CCSER1: variants seen among roughly 807,000 people sequenced by gnomAD.
The protein encoded by CCSER1 is coiled-coil serine rich protein 1.
CCSER1 carries 41 observed loss-of-function variants against 82.0 expected under a neutral mutation model. That is an observed-to-expected ratio of 0.50 (90% CI 0.39 to 0.65). The LOEUF (loss-of-function observed/expected upper bound fraction) is 0.65. CCSER1 is among the 30% of genes least tolerant of loss of function. The pLI is 0.00. For missense variants in CCSER1, 1,119 were observed against 1,064.2 expected (o/e 1.05, Z -0.72); for synonymous variants, 414 against 383.9 (o/e 1.08, Z -0.92).
intron 9 of CCSER1, among the ~76,000 whole-genome samples, chr4:91,054,591 T>C (rs1295491225): frequency 6.6e-6 from 1 of 152,130 alleles, no homozygotes; most frequent in Non-Finnish European, 1.5e-5. Flanking sequence ...TTTCAACCTA[T>C]TTCAACCTAT....
chr4:90,387,080 A>G (rs564776075), intron 3 of CCSER1, among the ~76,000 whole-genome samples: 186 of 152,328 alleles, frequency 1.2e-3, no homozygotes, highest in African/African-American at 4.3e-3. Context: ...TTTTATTACC[A>G]GAATTATGAG....
At chr4:90,525,759 C>T (rs1773683391) in intron 5 of CCSER1, among the ~76,000 whole-genome samples, 2 of 152,078 alleles carry the variant, frequency 1.3e-5, no homozygotes, top group East Asian at 3.9e-4. Flanking sequence ...CTACCTCAGC[C>T]TCCCCAGTAG....
chr4:91,487,215 G>A (rs886126081), intron 10 of CCSER1, among the ~76,000 whole-genome samples: 5 of 152,000 alleles, frequency 3.3e-5, no homozygotes, highest in African/African-American at 4.8e-5. Context: ...AATTAGAGTC[G>A]AAATTTAAGT....
intron 10 of CCSER1, among the ~76,000 whole-genome samples, chr4:91,263,855 T>A (rs1741372279): frequency 6.6e-6 from 1 of 151,960 alleles, no homozygotes; most frequent in Non-Finnish European, 1.5e-5. Flanking sequence ...TGTAAGCTAC[T>A]TTTTTGCTTT....
chr4:90,338,831 CT>C (rs531258928), intron 3 of CCSER1, among the ~76,000 whole-genome samples: 354 of 152,218 alleles, frequency 2.3e-3, no homozygotes, highest in African/African-American at 8.3e-3. Context: ...AGGTACATAG[CT>C]TTTTATTGTA....
At chr4:90,973,699 A>G (rs919523930) in intron 9 of CCSER1, among the ~76,000 whole-genome samples, 2 of 151,730 alleles carry the variant, frequency 1.3e-5, no homozygotes, top group African/African-American at 4.8e-5. Flanking sequence ...TCAAAGAGAT[A>G]TCTGCATTTC....
At chr4:90,319,884 G>A (rs1350570514) in intron 3 of CCSER1, among the ~76,000 whole-genome samples, 1 of 152,156 alleles carries the variant, frequency 6.6e-6, no homozygotes, top group Non-Finnish European at 1.5e-5. Flanking sequence ...GGAGCCATAT[G>A]AATCATTCTC....
chr4:90,183,307 T>A (rs1402727485), intron 1 of CCSER1, among the ~76,000 whole-genome samples: 1 of 152,084 alleles, frequency 6.6e-6, no homozygotes, highest in Non-Finnish European at 1.5e-5. Context: ...GTATCCGGTT[T>A]TAACCATCTT....
chr4:90,555,944 C>T (rs557195234), intron 5 of CCSER1, among the ~76,000 whole-genome samples: 23 of 152,118 alleles, frequency 1.5e-4, no homozygotes, highest in African/African-American at 5.5e-4. Flanking sequence ...AAATTTATTT[C>T]CTAATATTTT....
chr4:91,445,646 A>T (rs199538358), intron 10 of CCSER1, among the ~76,000 whole-genome samples: 5 of 151,958 alleles, frequency 3.3e-5, no homozygotes, highest in African/African-American at 4.8e-5. Context: ...ATTTGTTTTT[A>T]TCTCTCTATT....
intron 9 of CCSER1, among the ~76,000 whole-genome samples, chr4:90,974,258 G>A (rs62309786): frequency 0.27 from 41,344 of 150,814 alleles, 6,873 homozygotes; most frequent in East Asian, 0.39. Context: ...TATGTTAATT[G>A]TCTTGATTGT....
intron 10 of CCSER1, among the ~76,000 whole-genome samples, chr4:91,500,981 T>C (rs950013527): frequency 1.3e-5 from 2 of 151,932 alleles, no homozygotes; most frequent in Non-Finnish European, 2.9e-5. Flanking sequence ...ATACCTTTTA[T>C]GTTTTTTCTA....
At chr4:91,547,294 C>T (rs910906727) in intron 10 of CCSER1, among the ~76,000 whole-genome samples, 34 of 152,036 alleles carry the variant, frequency 2.2e-4, no homozygotes, top group Admixed American at 1.6e-3. Context: ...TTCTGTTAGA[C>T]GGATGTTACA....
intron 10 of CCSER1, among the ~76,000 whole-genome samples, chr4:91,569,590 G>A (rs1763066941): frequency 6.6e-6 from 1 of 152,156 alleles, no homozygotes; most frequent in Non-Finnish European, 1.5e-5. Flanking sequence ...GAGAGAATGA[G>A]TGCCAGCAGG....
chr4:91,548,763 C>T (rs1222946440), intron 10 of CCSER1, among the ~76,000 whole-genome samples: 4 of 151,920 alleles, frequency 2.6e-5, no homozygotes, highest in Admixed American at 2.0e-4. Context: ...AGTGTCTCCC[C>T]CACACCATCC....
intron 10 of CCSER1, among the ~76,000 whole-genome samples, chr4:91,507,994 A>C (rs1040073698): frequency 2.1e-5 from 2 of 94,268 alleles, no homozygotes; most frequent in African/African-American, 7.9e-5. Context: ...AGGATTTTCT[A>C]TATATATATA....
intron 9 of CCSER1, among the ~76,000 whole-genome samples, chr4:90,979,684 G>C (rs1370025227): frequency 6.6e-6 from 1 of 151,708 alleles, no homozygotes; most frequent in East Asian, 1.9e-4. Context: ...TGTCACTTCT[G>C]ATAGATTTAA....
At chr4:90,884,705 T>C (rs1044149853) in intron 8 of CCSER1, among the ~76,000 whole-genome samples, 5 of 152,154 alleles carry the variant, frequency 3.3e-5, no homozygotes, top group Admixed American at 2.0e-4. Context: ...GATAATTTTA[T>C]TAAAGAGTAC....
intron 9 of CCSER1, among the ~76,000 whole-genome samples, chr4:91,036,447 A>T: frequency 6.6e-6 from 1 of 152,096 alleles, no homozygotes. Flanking sequence ...CCAAAGTAGA[A>T]CTCCAGACTC....
Sources: allele counts gnomAD v4.1 joint callset (sites outside exome capture counted in the v4.1 genomes callset), GRCh38; gene constraint gnomAD v4.1.1; transcripts MANE v1.5; gene names NCBI Gene and HGNC (gene_info 2026-07-23, HGNC 2026-07-21).